ZBTB48: variants seen among roughly 807,000 people sequenced by gnomAD.
The protein encoded by ZBTB48 is zinc finger and BTB domain-containing protein 48.
Under a neutral mutation model 64.5 loss-of-function variants are expected in ZBTB48, and 35 were observed. That is an observed-to-expected ratio of 0.54 (90% CI 0.41 to 0.72). ZBTB48 has a LOEUF of 0.72. Ranked by LOEUF, ZBTB48 falls within the 30% of genes least tolerant of loss-of-function variation. The pLI is 0.00. For synonymous variants in ZBTB48, 442 were observed against 356.7 expected (o/e 1.24, Z -2.70); for missense variants, 828 against 895.3 (o/e 0.92, Z 0.96).
At chr1:6,588,019 C>A in intron 7 of ZBTB48, 41 bp from the exon 8 acceptor site, 1 of 1,611,540 alleles carries the variant, frequency 6.2e-7, no homozygotes, top group Non-Finnish European at 8.5e-7. Context: ...GGGGTCACTT[C>A]CCTTGGTGAT....
chr1:6,588,146 G>A lies in ZBTB48; in HGVS notation c.1466G>A (p.Gly489Asp), dbSNP rs1213308389. 1 of 1,614,162 alleles carries A rather than the reference G, an allele frequency of 6.2e-7. No individual in the cohort carries two copies. Among genetic ancestry groups the A allele is most frequent in the Non-Finnish European group, 8.5e-7 (1 of 1,180,036 alleles). Residue 489 changes from glycine (G) to aspartate (D), a missense_variant, in exon 8 of 11, where the codon GGT becomes GAT. Physicochemically the swap from Gly to Asp is moderately conservative, Grantham distance 94 (BLOSUM62 -1). Coordinates refer to ENST00000377674, the MANE Select transcript of ZBTB48 (RefSeq NM_005341.4). ...NLNMHLRTHTGEKPFQCHLCG... is the reference protein window; with the variant it reads ...NLNMHLRTHTDEKPFQCHLCG... The stretch of plus-strand genomic sequence containing the variant: ...AACATGCACCTGCGCACACACACGG[G>A]TGAGAAGCCCTTCCAGTGCCACCTC...
chr1:6,582,240 C>A lies in ZBTB48; in HGVS notation c.873C>A (p.Val291=). Residue 291 remains valine (V), a synonymous_variant, in exon 3 of 11, where the codon GTC becomes GTA. Transcript: ENST00000377674. ...ACAGAAAAGGTACAGCGGTGCCGGT[C>A]GAATGCCCCACATGTCATAAAAAGT... The part of the protein sequence containing the change: ...AENRKGTAVP[V]ECPTCHKKFL... 1.2e-6 allele frequency: 2 copies of A among 1,614,052 alleles called. No individual in the cohort carries two copies. Among genetic ancestry groups the A allele is most frequent in the South Asian group, 2.2e-5 (2 of 91,036 alleles).
chr1:6,588,999 C>T lies in ZBTB48; in HGVS notation c.1854C>T (p.Ile618=). Residue 618 remains isoleucine, a synonymous_variant, in exon 11 of 11, where the codon ATC becomes ATT. Coordinates refer to ENST00000377674, the MANE Select transcript of ZBTB48 (RefSeq NM_005341.4). ...AGCGCAAGCTCCGCAACCTGATCAT[C>T]GAGGACGAGAAGATGGTGGTGGTGG... ...PRQRKLRNLI[I]EDEKMVVVAL... The T allele has an allele frequency of 1.9e-6, 3 of 1,596,612 alleles. No homozygotes were observed. Among genetic ancestry groups the T allele is most frequent in the Non-Finnish European group, 2.6e-6 (3 of 1,169,840 alleles).
chr1:6,588,707 G>T, intron 9 of ZBTB48, 49 bp from the exon 10 acceptor site: 1 of 1,612,438 alleles, frequency 6.2e-7, no homozygotes, highest in Non-Finnish European at 8.5e-7. Context: ...GTTTCCTCGA[G>T]GGTCCCGGGG....
rs764555455 is a variant in ZBTB48, at chr1:6,586,703, G to A, written c.1053G>A (p.Thr351=). 35 of 1,557,724 alleles carry A rather than the reference G, an allele frequency of 2.2e-5. No individual in the cohort carries two copies. The highest frequency in any genetic ancestry group is 2.8e-5 in the Non-Finnish European group (32 of 1,150,682). ...NCMNRSEQVF[T]CSVCQETFRR... ...GCCCCTCACACTGCCAGGTCTTCAC[G>A]TGCTCTGTGTGCCAGGAGACATTCC... The change falls in exon 5 of 11, where the codon ACG becomes ACA. Residue 351 remains threonine (T), a synonymous_variant. Transcript: ENST00000377674.
At chr1:6,583,221 C>T (rs1027580423) in intron 3 of ZBTB48, among the ~76,000 whole-genome samples, 3 of 146,846 alleles carry the variant, frequency 2.0e-5, no homozygotes, top group South Asian at 2.2e-4. Context: ...AATCTCCTGA[C>T]CTTGTGATCC....
intron 5 of ZBTB48, 55 bp from the exon 6 acceptor site, chr1:6,587,150 G>C: frequency 6.3e-7 from 1 of 1,589,744 alleles, no homozygotes; most frequent in Non-Finnish European, 8.6e-7. Context: ...AGGGTGGGTG[G>C]CAGGGTTTCA....
At position 6,586,804 on chromosome 1, in the gene ZBTB48, C is replaced by T. The variant is rs1442707261; in HGVS notation, c.1137+17C>T. The T allele has an allele frequency of 2.5e-6, 4 of 1,606,242 alleles. No homozygotes were observed. The highest frequency in any genetic ancestry group is 1.7e-5 in the Admixed American group (1 of 59,186). On this transcript the variant is annotated intron_variant, in intron 5 of 10. Transcript: ENST00000377674. The stretch of plus-strand genomic sequence containing the variant: ...CCCTACAAGGTCAGGCTTGGCCTGT[C>T]TCCAGGGCCAGGGTTGGGTGGCCCC...
In ZBTB48 at chr1:6,588,304, C is replaced by T; in HGVS notation, c.1543C>T (p.His515Tyr). The T allele has an allele frequency of 1.2e-6, 2 of 1,608,118 alleles. No homozygotes were observed. The highest frequency in any genetic ancestry group is 1.7e-6 in the Non-Finnish European group (2 of 1,175,512). Reference sequence around the variant, plus strand: ...CAGCCTGGACAAGCACAACCGCACCCACACCGGGGAAAGGCCCTTCAGTTG... The same window carrying T: ...CAGCCTGGACAAGCACAACCGCACCTACACCGGGGAAAGGCCCTTCAGTTG... ...QASLDKHNRTHTGERPFSCEF... is the reference protein window; with the variant it reads ...QASLDKHNRTYTGERPFSCEF... The change falls in exon 9 of 11, where the codon CAC becomes TAC. Residue 515 changes from histidine (H) to tyrosine (Y), a missense_variant. By Grantham distance (83) the His-to-Tyr change is moderately conservative. Transcript: ENST00000377674.
Position 6,586,091 on chromosome 1 carries a change from CCA to C in ZBTB48, c.1044+62_1044+63del, listed in dbSNP as rs1325545051. 1.9e-6 allele frequency: 3 copies of C among 1,551,352 alleles called. No homozygotes were observed. The East Asian group carries it at 6.7e-5, about 35-fold the overall frequency. Reference sequence around the variant, plus strand: ...GCACACTGGCCTCTCTGTCTTCGTGCCATCCGGGAAGGGCCCCAGGAGACTGT... The same window carrying C: ...GCACACTGGCCTCTCTGTCTTCGTGCTCCGGGAAGGGCCCCAGGAGACTGT... On this transcript the variant is annotated intron_variant, in intron 4 of 10. Transcript: ENST00000377674.
chr1:6,582,889 C>CA (rs1429772218), intron 3 of ZBTB48, among the ~76,000 whole-genome samples: 1 of 152,186 alleles, frequency 6.6e-6, no homozygotes, highest in Non-Finnish European at 1.5e-5. Context: ...AGGCTGGTCT[C>CA]AAACTCCTGG....
Position 6,581,309 on chromosome 1 carries a change from C to T in ZBTB48, c.690+10C>T, listed in dbSNP as rs764940051. 4 of 1,584,226 alleles carry T rather than the reference C, an allele frequency of 2.5e-6. No individual in the cohort carries two copies. Among genetic ancestry groups the T allele is most frequent in the Non-Finnish European group, 8.6e-7 (1 of 1,166,520 alleles). ...GGGCGGCAGTAATGAGGTACTGTGCCCAGGGTGTTGGGACTGGGGAGACAA... is the reference window on the plus strand; with the variant it reads ...GGGCGGCAGTAATGAGGTACTGTGCTCAGGGTGTTGGGACTGGGGAGACAA... On this transcript the variant is annotated intron_variant, in intron 2 of 10. Transcript: ENST00000377674.
Position 6,588,407 on chromosome 1 carries a change from C to G in ZBTB48, c.1646C>G (p.Pro549Arg), listed in dbSNP as rs1471738863. The G allele has an allele frequency of 6.4e-7, 1 of 1,568,712 alleles. No individual in the cohort carries two copies. The highest frequency in any genetic ancestry group is 2.3e-5 in the East Asian group (1 of 44,086). Residue 549 changes from proline to arginine, a missense_variant, in exon 9 of 11, where the codon CCC becomes CGC. Coordinates refer to ENST00000377674, the MANE Select transcript of ZBTB48 (RefSeq NM_005341.4). Reference protein sequence around the residue: ...HVASRHQEGRPHFCQICGKTF... With the variant: ...HVASRHQEGRRHFCQICGKTF... ...GCCAGCCGCCATCAGGAGGGCCGGCCCCACTTCTGCCAGATATGCGGCAAG... is the reference window on the plus strand; with the variant it reads ...GCCAGCCGCCATCAGGAGGGCCGGCGCCACTTCTGCCAGATATGCGGCAAG...
chr1:6,587,155 G>A (rs747317461), intron 5 of ZBTB48, 50 bp from the exon 6 acceptor site: 2 of 1,604,452 alleles, frequency 1.2e-6, no homozygotes, highest in Non-Finnish European at 1.7e-6. Flanking sequence ...GGGTGGCAGG[G>A]TTTCATGGGT....
chr1:6,588,302 C>T lies in ZBTB48; in HGVS notation c.1541C>T (p.Thr514Ile), dbSNP rs1047989883. Residue 514 changes from threonine (T) to isoleucine (I), a missense_variant, in exon 9 of 11, where the codon ACC becomes ATC. Transcript: ENST00000377674. Reference sequence around the variant, plus strand: ...GCCAGCCTGGACAAGCACAACCGCACCCACACCGGGGAAAGGCCCTTCAGT... The same window carrying T: ...GCCAGCCTGGACAAGCACAACCGCATCCACACCGGGGAAAGGCCCTTCAGT... ...TQASLDKHNR[T>I]HTGERPFSCE... 4 of 1,608,068 alleles carry T rather than the reference C, an allele frequency of 2.5e-6. No individual in the cohort carries two copies. The highest frequency in any genetic ancestry group is 3.4e-6 in the Non-Finnish European group (4 of 1,175,586).
In ZBTB48 at chr1:6,588,862, C is replaced by T; in HGVS notation, c.1770+18C>T. 6.2e-7 allele frequency: 1 copy of T among 1,613,986 alleles called. No homozygotes were observed. The highest frequency in any genetic ancestry group is 8.5e-7 in the Non-Finnish European group (1 of 1,180,004). ...CCCGACAGGTAGGCCAGGGCCTGGG[C>T]CCCTTCCCCTACCCTAGGATCCCCC... On this transcript the variant is annotated intron_variant, in intron 10 of 10. Transcript: ENST00000377674.
Position 6,580,723 on chromosome 1 carries a change from G to A in ZBTB48, c.114G>A (p.Lys38=), listed in dbSNP as rs753834312. Residue 38 remains lysine, a synonymous_variant, in exon 2 of 11, where the codon AAG becomes AAA. Transcript: ENST00000377674. This position sits in a 1 kb window ranked among gnomAD's most constrained non-coding sequence, Gnocchi z 5.2. ...ATLDVGGLVF[K]AHWSVLACCS... is the part of the protein sequence containing the mutation. ...TGGACGTGGGGGGCCTGGTGTTTAA[G>A]GCACACTGGAGTGTCCTTGCCTGCT... 2.5e-6 allele frequency: 4 copies of A among 1,614,182 alleles called. No individual in the cohort carries two copies. The highest frequency in any genetic ancestry group is 2.2e-5 in the South Asian group (2 of 91,090).
intron 4 of ZBTB48, 188 bp from the exon 5 acceptor site, chr1:6,586,507 G>C: frequency 1.6e-6 from 2 of 1,251,974 alleles, no homozygotes; most frequent in Non-Finnish European, 2.1e-6. Context: ...AGGGCCTGGT[G>C]TGCGGTGGGC....
rs767246641 is a variant in ZBTB48, at chr1:6,587,223, C to T, written c.1156C>T (p.Gln386Ter). The stretch of plus-strand genomic sequence containing the variant: ...TTTTCAGTGTTCCTCCTGCTCCCAG[C>T]AGTTCATGCAGAAGAAGGACTTGCA... Reference protein sequence around the residue: ...MPYKCSSCSQQFMQKKDLQSH... With the variant: ...MPYKCSSCSQ The change falls in exon 6 of 11, where the codon CAG (glutamine) becomes TAG (stop). Residue 386 changes from glutamine to a stop codon, truncating the protein, a stop_gained. Coordinates refer to ENST00000377674, the MANE Select transcript of ZBTB48 (RefSeq NM_005341.4). LOFTEE classifies it high-confidence loss of function. 2 of 1,614,024 alleles carry T rather than the reference C, an allele frequency of 1.2e-6. No homozygotes were observed. The highest frequency in any genetic ancestry group is 2.2e-5 in the East Asian group (1 of 44,874).
Sources: gnomAD v4.1 joint callset for allele counts (sites outside exome capture counted in the v4.1 genomes callset) on GRCh38, gnomAD v4.1.1 for gene constraint, Gnocchi (gnomAD v3.1) non-coding constraint, MANE v1.5 for transcripts, NCBI Gene and HGNC (gene_info 2026-07-23, HGNC 2026-07-21) for gene names.